Variants in PCDH11X observed in about 807,000 individuals in gnomAD.
PCDH11X encodes protocadherin-11 X-linked.
In PCDH11X, 18 loss-of-function variants were observed where a neutral mutation model predicts 53.3. The ratio of observed to expected loss-of-function variants is 0.34; its 90% confidence interval spans 0.23 to 0.50. The LOEUF (loss-of-function observed/expected upper bound fraction) is 0.50, where lower values mean the gene tolerates loss of function less well. PCDH11X is among the 20% of genes least tolerant of loss of function. The pLI, the probability that PCDH11X is intolerant of heterozygous loss-of-function variation, is 0.98. For synonymous variants in PCDH11X, 279 were observed against 393.3 expected, an observed-to-expected ratio of 0.71 and a Z score of 3.44; for missense variants, 570 against 1,032.4, an observed-to-expected ratio of 0.55 and a Z score of 6.14.
intron 6 of PCDH11X, among the ~76,000 whole-genome samples, chrX:91,959,393 T>C (rs1361602680): frequency 9.0e-6 from 1 of 111,688 alleles, no homozygotes; most frequent in Non-Finnish European, 1.9e-5. Flanking sequence ...TCAGAACTTA[T>C]TCATCTGAAT....
chrX:92,221,756 ATC>A (rs2066884045), intron 7 of PCDH11X, among the ~76,000 whole-genome samples: 1 of 111,853 alleles, frequency 8.9e-6, no homozygotes, highest in East Asian at 2.8e-4. Flanking sequence ...CCTTTTCACA[ATC>A]TCTTTTATGG....
At chrX:92,540,010 C>A (rs1213661181) in intron 10 of PCDH11X, among the ~76,000 whole-genome samples, 1 of 111,042 alleles carries the variant, frequency 9.0e-6, no homozygotes, top group Admixed American at 9.5e-5. Context: ...AGACCTGAAG[C>A]CAGCACAACA....
chrX:92,024,492 C>T (rs1171645089), intron 6 of PCDH11X, among the ~76,000 whole-genome samples: 2 of 110,232 alleles, frequency 1.8e-5, no homozygotes, highest in Non-Finnish European at 3.8e-5. Flanking sequence ...GAACTGCAAA[C>T]CACTGCTCAA....
intron 6 of PCDH11X, chrX:91,982,836 G>T: frequency 1.1e-6 from 1 of 874,209 alleles, no homozygotes; most frequent in Non-Finnish European, 1.7e-6. Context: ...CAAATACTTG[G>T]CTGCTATTTC....
At chrX:92,113,422 T>C in intron 6 of PCDH11X, 1 of 1,203,459 alleles carries the variant, frequency 8.3e-7, no homozygotes, top group Non-Finnish European at 1.1e-6. Flanking sequence ...GGGAAGGTCA[T>C]AGTTGATGAC....
intron 6 of PCDH11X, among the ~76,000 whole-genome samples, chrX:92,004,835 G>A (rs2062571572): frequency 1.0e-5 from 1 of 98,564 alleles, no homozygotes; most frequent in Non-Finnish European, 2.0e-5. Flanking sequence ...GAATACAGTG[G>A]CCCAAGCTTG....
intron 6 of PCDH11X, among the ~76,000 whole-genome samples, chrX:92,047,670 G>C (rs2063309619): frequency 9.0e-6 from 1 of 110,538 alleles, no homozygotes; most frequent in Non-Finnish European, 1.9e-5. Flanking sequence ...TTGTTTCTAA[G>C]AAGTCAGAGT....
At chrX:92,374,574 G>A (rs2070697534) in intron 8 of PCDH11X, among the ~76,000 whole-genome samples, 1 of 110,425 alleles carries the variant, frequency 9.1e-6, no homozygotes, top group Non-Finnish European at 1.9e-5. Flanking sequence ...ATGAATATTA[G>A]ATGTGGAAGC....
At chrX:91,932,701 C>T (rs2362488) in intron 6 of PCDH11X, among the ~76,000 whole-genome samples, 34,063 of 86,354 alleles carry the variant, frequency 0.39, 5,550 homozygotes, top group East Asian at 0.65. Flanking sequence ...TGTGTGTGTG[C>T]GCGCGCGCGC....
intron 10 of PCDH11X, among the ~76,000 whole-genome samples, chrX:92,483,739 T>C (rs2073556601): frequency 1.9e-5 from 2 of 105,234 alleles, no homozygotes; most frequent in South Asian, 8.6e-4. Context: ...AATTATGTAC[T>C]TTATTTTATT....
intron 7 of PCDH11X, among the ~76,000 whole-genome samples, chrX:92,228,944 C>T (rs992991698): frequency 9.0e-6 from 1 of 111,457 alleles, no homozygotes; most frequent in African/African-American, 3.3e-5. Context: ...ATTGTATAGG[C>T]TAAGAGATCC....
At chrX:91,960,356 A>G (rs1249404716) in intron 6 of PCDH11X, among the ~76,000 whole-genome samples, 2 of 111,177 alleles carry the variant, frequency 1.8e-5, no homozygotes, top group Non-Finnish European at 3.8e-5. Context: ...ACCAATGTCA[A>G]GGAACTTTTC....
intron 8 of PCDH11X, among the ~76,000 whole-genome samples, chrX:92,381,902 A>T (rs1001670802): frequency 3.9e-4 from 43 of 110,996 alleles, no homozygotes; most frequent in African/African-American, 1.3e-3. Flanking sequence ...AAATAAAATG[A>T]TTATTTGGAT....
intron 1 of PCDH11X, among the ~76,000 whole-genome samples, chrX:91,781,667 CGT>C (rs763838247): frequency 2.3e-3 from 243 of 107,075 alleles, no homozygotes; most frequent in Non-Finnish European, 3.9e-3. Flanking sequence ...TGTGTGTGCG[CGT>C]GTGTGTGTGT....
At chrX:92,157,940 C>T (rs2065568237) in intron 6 of PCDH11X, among the ~76,000 whole-genome samples, 2 of 111,758 alleles carry the variant, frequency 1.8e-5, no homozygotes, top group South Asian at 3.7e-4. Flanking sequence ...GAAGGCCGGT[C>T]GCGGTAGCTC....
At chrX:92,552,920 T>C (rs1424695648) in intron 10 of PCDH11X, among the ~76,000 whole-genome samples, 3 of 109,153 alleles carry the variant, frequency 2.7e-5, no homozygotes, top group Non-Finnish European at 3.8e-5. Context: ...TATTGTGTTT[T>C]TGAATTTGGT....
intron 6 of PCDH11X, among the ~76,000 whole-genome samples, chrX:91,983,990 C>T (rs1052672897): frequency 9.2e-6 from 1 of 108,475 alleles, no homozygotes; most frequent in African/African-American, 3.4e-5. Context: ...TCTCAATTTA[C>T]TACTGCATAC....
chrX:92,586,978 T>A (rs924977100), intron 10 of PCDH11X, among the ~76,000 whole-genome samples: 1 of 50,792 alleles, frequency 2.0e-5, no homozygotes, highest in African/African-American at 6.3e-5. Flanking sequence ...CACAGAAGCC[T>A]TTTTTTTTTT....
At chrX:91,854,581 G>C (rs1379084133) in intron 5 of PCDH11X, among the ~76,000 whole-genome samples, 1 of 112,209 alleles carries the variant, frequency 8.9e-6, no homozygotes, top group Non-Finnish European at 1.9e-5. Flanking sequence ...CCTCCAAACT[G>C]TTCTCCAAGT....
Sources: gnomAD v4.1 joint callset for allele counts (sites outside exome capture counted in the v4.1 genomes callset) on GRCh38, gnomAD v4.1.1 for gene constraint, MANE v1.5 for transcripts, NCBI Gene and HGNC (gene_info 2026-07-23, HGNC 2026-07-21) for gene names.